Variants in CPSF3 observed in about 807,000 individuals in gnomAD.
The protein encoded by CPSF3 is cleavage and polyadenylation specificity factor subunit 3.
In CPSF3, 57 loss-of-function variants were observed where a neutral mutation model predicts 84.1. That is an observed-to-expected ratio of 0.68 (90% confidence interval 0.55 to 0.85). The LOEUF is 0.85. Among genes scored for constraint, CPSF3 ranks in the 40% least tolerant of loss-of-function variants. The probability of loss-of-function intolerance (pLI) is 0.00; values close to 1 mark genes in which losing one functional copy is unlikely to be tolerated. For missense variants in CPSF3, 522 were observed against 838.8 expected (o/e 0.62, Z 4.66); for synonymous variants, 275 against 278.1 (o/e 0.99, Z 0.11).
intron 13 of CPSF3, among the ~76,000 whole-genome samples, chr2:9,456,350 A>G (rs529387326): frequency 1.3e-5 from 2 of 152,344 alleles, no homozygotes; most frequent in African/African-American, 2.4e-5. Context: ...TACAAAATAC[A>G]TTTTCCATCA....
intron 2 of CPSF3, among the ~76,000 whole-genome samples, chr2:9,429,171 T>C (rs937490296): frequency 6.6e-6 from 1 of 152,212 alleles, no homozygotes; most frequent in Admixed American, 6.5e-5. Context: ...CTGAGAGCTC[T>C]AGCCGCCTCC....
At chr2:9,439,517 G>A (rs1386062313) in intron 7 of CPSF3, among the ~76,000 whole-genome samples, 2 of 151,356 alleles carry the variant, frequency 1.3e-5, no homozygotes, top group Non-Finnish European at 2.9e-5. Context: ...TATATAATAG[G>A]CATATAATAC....
At position 9,440,624 on chromosome 2, in the gene CPSF3, C is replaced by T. The variant is rs763125673; in HGVS notation, c.894C>T (p.Asn298=). Residue 298 remains asparagine (N), a synonymous_variant, in exon 8 of 18, where the codon AAC becomes AAT. Transcript: ENST00000238112. The part of the protein sequence containing the change: ...AMNDKIRKQI[N]INNPFVFKHI... ...ATGACAAAATCCGCAAACAGATCAA[C>T]ATCAATAATCCCTTTGTTTTCAAAC... The T allele has an allele frequency of 1.9e-6, 3 of 1,614,186 alleles. No homozygotes were observed. Among genetic ancestry groups the T allele is most frequent in the Non-Finnish European group, 2.5e-6 (3 of 1,180,030 alleles).
At chr2:9,425,387 T>C (rs1487535860) in intron 1 of CPSF3, among the ~76,000 whole-genome samples, 5 of 152,078 alleles carry the variant, frequency 3.3e-5, no homozygotes, top group Admixed American at 3.3e-4. Context: ...TAGGAAAATC[T>C]CTCCTGGCAG....
At chr2:9,434,005 A>AT (rs751056488) in intron 6 of CPSF3, 45 bp downstream of exon 6, 47 of 1,170,108 alleles carry the variant, frequency 4.0e-5, no homozygotes, top group Middle Eastern at 2.1e-4. Context: ...ATGTAAGCAG[A>AT]TTTTTTTTCT....
chr2:9,431,546 T>C (rs60118617), intron 4 of CPSF3, among the ~76,000 whole-genome samples: 22,645 of 120,858 alleles, frequency 0.19, 2,237 homozygotes, highest in Middle Eastern at 0.32. Context: ...TTTTCTTTTT[T>C]TTTTTCTTTT....
At chr2:9,455,509 A>G in intron 12 of CPSF3, 150 bp from the exon 13 acceptor site, 1 of 586,438 alleles carries the variant, frequency 1.7e-6, no homozygotes, top group Admixed American at 3.0e-5. Flanking sequence ...TCAGTGGGGA[A>G]ATGTAAGGTG....
intron 5 of CPSF3, among the ~76,000 whole-genome samples, chr2:9,433,082 G>A (rs796590178): frequency 6.6e-6 from 1 of 152,294 alleles, no homozygotes; most frequent in African/African-American, 2.4e-5. Context: ...TCACAGGTAA[G>A]CCCCTAAGCA....
rs1256685969 is a variant in CPSF3, at chr2:9,452,895, A to G, written c.1396-18A>G. ...ATTTTACCAGGTTCTATTTTCTTCA[A>G]GTATTTTTTTTTTACAGGTTATGGG... On this transcript the variant is annotated intron_variant, in intron 11 of 17. Coordinates refer to ENST00000238112, the MANE Select transcript of CPSF3 (RefSeq NM_016207.4). The G allele has an allele frequency of 5.8e-6, 9 of 1,538,896 alleles. No individual in the cohort carries two copies. Among genetic ancestry groups the G allele is most frequent in the Non-Finnish European group, 7.1e-6 (8 of 1,132,552 alleles).
At chr2:9,464,750 G>A (rs1053899697) in intron 15 of CPSF3, among the ~76,000 whole-genome samples, 2 of 151,684 alleles carry the variant, frequency 1.3e-5, no homozygotes, top group South Asian at 2.1e-4. Context: ...ACATCACCAC[G>A]CCTGGCTAAT....
intron 4 of CPSF3, 31 bp from the exon 5 acceptor site, chr2:9,432,480 A>G: frequency 1.4e-6 from 2 of 1,413,932 alleles, no homozygotes; most frequent in Non-Finnish European, 1.9e-6. Flanking sequence ...CTGACTCTTA[A>G]TTGTTTTTGC....
chr2:9,457,176 T>C, intron 14 of CPSF3, 149 bp downstream of exon 14: 1 of 480,482 alleles, frequency 2.1e-6, no homozygotes, highest in Non-Finnish European at 3.7e-6. Context: ...TGTGTGTGTG[T>C]GTGTGTGTGT....
chr2:9,472,514 A>G (rs1490601841), intron 17 of CPSF3, among the ~76,000 whole-genome samples: 1 of 152,016 alleles, frequency 6.6e-6, no homozygotes, highest in Non-Finnish European at 1.5e-5. Flanking sequence ...GACTTTCCCC[A>G]GTCTTTCACC....
chr2:9,432,784 C>G, intron 5 of CPSF3, 96 bp downstream of exon 5: 2 of 964,730 alleles, frequency 2.1e-6, no homozygotes, highest in Non-Finnish European at 2.8e-6. Context: ...CTAAGACTTG[C>G]AAAGTGTCAG....
At chr2:9,472,517 C>G (rs1285945756) in intron 17 of CPSF3, among the ~76,000 whole-genome samples, 2 of 152,102 alleles carry the variant, frequency 1.3e-5, no homozygotes, top group Admixed American at 6.6e-5. Flanking sequence ...TTTCCCCAGT[C>G]TTTCACCCCA....
rs543727439 is a variant in CPSF3 at position 9,459,638 on chromosome 2, CTTTTT to C, written c.1786+44_1786+48del. 4,100 of 307,836 alleles carry C rather than the reference CTTTTT, an allele frequency of 0.013. 16 individuals are homozygous for C. Among genetic ancestry groups the C allele is most frequent in the African/African-American group, 0.052 (1,209 of 23,084 alleles). 19.1% of individuals were successfully genotyped at this position (307,836 alleles called of 1,614,324 possible). A position where few individuals can be genotyped will look rare whatever the true frequency, so the allele number is the denominator to read the frequency against. ...GAAAAGGTAAGAGTTCATTTTTATCCTTTTTTTTTTTTTTTTTTTTTTTTTTTTGG... is the reference window on the plus strand; with the variant it reads ...GAAAAGGTAAGAGTTCATTTTTATCCTTTTTTTTTTTTTTTTTTTTTTTGG... On this transcript the variant is annotated intron_variant, in intron 15 of 17. Coordinates refer to ENST00000238112, the MANE Select transcript of CPSF3 (RefSeq NM_016207.4).
intron 4 of CPSF3, 31 bp from the exon 5 acceptor site, chr2:9,432,477 TTAA>T: frequency 7.1e-7 from 1 of 1,409,890 alleles, no homozygotes; most frequent in Non-Finnish European, 9.4e-7. Context: ...AATCTGACTC[TTAA>T]TTGTTTTTGC....
intron 4 of CPSF3, among the ~76,000 whole-genome samples, chr2:9,431,438 G>A (rs567558279): frequency 1.3e-5 from 2 of 151,500 alleles, no homozygotes; most frequent in African/African-American, 2.4e-5. Flanking sequence ...GGTAACACTC[G>A]TTAACACTTC....
Position 9,432,037 on chromosome 2 carries a change from G to A in CPSF3, c.342-474G>A, listed in dbSNP as rs559438996. On this transcript the variant is annotated intron_variant, in intron 4 of 17. Transcript: ENST00000238112. The stretch of plus-strand genomic sequence containing the variant: ...TCCAGAGTCAGCGTCCTTAACCACT[G>A]TTCTCTCTTGCTTTTTTGTAAGTAC... Among the ~76,000 whole-genome samples, 230 of 152,234 alleles carry A rather than the reference G, an allele frequency of 1.5e-3. 1 individual carries two copies. The highest frequency in any genetic ancestry group is 0.01 in the Middle Eastern group (3 of 294).
Sources: gnomAD v4.1 joint callset for allele counts (sites outside exome capture counted in the v4.1 genomes callset) on GRCh38, gnomAD v4.1.1 for gene constraint, MANE v1.5 for transcripts, NCBI Gene and HGNC (gene_info 2026-07-23, HGNC 2026-07-21) for gene names.